PRDM16: variants seen among roughly 807,000 people sequenced by gnomAD.
PRDM16 encodes the protein PR/SET domain 16.
PRDM16 carries 23 observed loss-of-function variants against 110.6 expected under a neutral mutation model. The observed-to-expected ratio is 0.21, with a 90% CI of 0.15 to 0.29. The LOEUF is 0.29. Among genes scored for constraint, PRDM16 ranks in the 10% least tolerant of loss-of-function variants. The probability of loss-of-function intolerance (pLI) is 1.00; values close to 1 mark genes in which losing one functional copy is unlikely to be tolerated. For missense variants in PRDM16, 1,615 were observed against 1,794.3 expected (o/e 0.90, Z 1.81); for synonymous variants, 799 against 781.8 (o/e 1.02, Z -0.37).
chr1:3,094,921 A>C (rs1642360623), intron 1 of PRDM16, among the ~76,000 whole-genome samples: 1 of 152,206 alleles, frequency 6.6e-6, no homozygotes. Flanking sequence ...GGATGGAGCC[A>C]CACAGCCCGG....
At chr1:3,296,692 G>A (rs1015375553) in intron 3 of PRDM16, among the ~76,000 whole-genome samples, 4 of 152,250 alleles carry the variant, frequency 2.6e-5, no homozygotes, top group Non-Finnish European at 4.4e-5. Context: ...CAGCCTGGAT[G>A]CAGAGAGGGG....
At chr1:3,177,737 C>T (rs989187218) in intron 1 of PRDM16, among the ~76,000 whole-genome samples, 1 of 152,240 alleles carries the variant, frequency 6.6e-6, no homozygotes, top group Non-Finnish European at 1.5e-5. Flanking sequence ...ACCATGTTTC[C>T]TCACAGTCTT....
intron 1 of PRDM16, among the ~76,000 whole-genome samples, chr1:3,096,334 C>T (rs1025891718): frequency 2.0e-5 from 3 of 152,220 alleles, no homozygotes; most frequent in Non-Finnish European, 2.9e-5. Flanking sequence ...GGGCCCCTTC[C>T]TCACGTCTCC....
At chr1:3,251,277 A>C (rs977729012) in intron 3 of PRDM16, among the ~76,000 whole-genome samples, 1 of 145,320 alleles carries the variant, frequency 6.9e-6, no homozygotes, top group African/African-American at 2.6e-5. Flanking sequence ...GCAATGGGAG[A>C]TAATGAGTCT....
chr1:3,392,288 G>GT (rs1360386008), intron 4 of PRDM16, among the ~76,000 whole-genome samples: 3 of 152,228 alleles, frequency 2.0e-5, no homozygotes, highest in African/African-American at 7.2e-5. Context: ...GAGCGATTGA[G>GT]TTTTTTCCAG....
At position 3,411,845 on chromosome 1, in the gene PRDM16, C is replaced by T. The variant is rs751967400; in HGVS notation, c.1648C>T (p.Pro550Ser). Residue 550 changes from proline (P) to serine (S), a missense_variant, in exon 9 of 17, where the codon CCC becomes TCC. Physicochemically the swap from Pro to Ser is moderately conservative, Grantham distance 74 (BLOSUM62 -1). Coordinates refer to ENST00000270722, the MANE Select transcript of PRDM16 (RefSeq NM_022114.4). ...CACCCAGGACGCCAAGCTCCCCAGTCCCCTGGGGAACCCAGCCCTGCCCCT... is the reference window on the plus strand; with the variant it reads ...CACCCAGGACGCCAAGCTCCCCAGTTCCCTGGGGAACCCAGCCCTGCCCCT... ...NHTQDAKLPS[P>S]LGNPALPLVS... 2 of 1,611,436 alleles carry T rather than the reference C, an allele frequency of 1.2e-6. No homozygotes were observed. The highest frequency in any genetic ancestry group is 2.7e-5 in the African/African-American group (2 of 75,014).
intron 3 of PRDM16, among the ~76,000 whole-genome samples, chr1:3,320,369 T>A (rs1641712635): frequency 1.3e-5 from 2 of 152,168 alleles, no homozygotes; most frequent in Admixed American, 6.5e-5. Context: ...GGTGTGAACA[T>A]GCAGGTGTAT....
rs1003063388 is a variant in PRDM16, at chr1:3,358,475, C to A, written c.439-26677C>A. ...TGTCTCCAGAGGCAGCCGCTGCGCC[C>A]CAGACTCCCAGCCGCGGCTTCGGAT... On this transcript the variant is annotated intron_variant, in intron 3 of 16. Coordinates refer to ENST00000270722, the MANE Select transcript of PRDM16 (RefSeq NM_022114.4). The surrounding 1 kb of genome is among the most constrained non-coding windows in gnomAD (Gnocchi z 4.0). Among the ~76,000 whole-genome samples the A allele has an allele frequency of 6.6e-6, 1 of 152,174 alleles. No individual in the cohort carries two copies. The highest frequency in any genetic ancestry group is 2.1e-4 in the South Asian group (1 of 4,826).
chr1:3,153,792 G>T (rs1254316644), intron 1 of PRDM16, among the ~76,000 whole-genome samples: 1 of 152,226 alleles, frequency 6.6e-6, no homozygotes, highest in Non-Finnish European at 1.5e-5. Context: ...GAGAAGCGTG[G>T]AACGCAAAGT....
chr1:3,219,949 G>A (rs2100863620), intron 2 of PRDM16, among the ~76,000 whole-genome samples: 1 of 152,316 alleles, frequency 6.6e-6, no homozygotes, highest in South Asian at 2.1e-4. Context: ...TCTCCCTGGG[G>A]AGATGGCGAG....
chr1:3,168,777 G>A (rs1643991483), intron 1 of PRDM16, among the ~76,000 whole-genome samples: 1 of 152,216 alleles, frequency 6.6e-6, no homozygotes, highest in Admixed American at 6.5e-5. Flanking sequence ...CACCTGCCCG[G>A]CCCATGGAAA....
chr1:3,186,042 GC>G, intron 1 of PRDM16, 82 bp from the exon 2 acceptor site: 1 of 1,212,258 alleles, frequency 8.2e-7, no homozygotes, highest in Non-Finnish European at 1.2e-6. Context: ...GCCCATTGAT[GC>G]CCGAGTCCCC....
intron 3 of PRDM16, among the ~76,000 whole-genome samples, chr1:3,267,334 C>G (rs1640318724): frequency 6.6e-6 from 1 of 152,172 alleles, no homozygotes; most frequent in East Asian, 1.9e-4. Context: ...TGTTGTAGCT[C>G]GTGTCGGAGC....
intron 1 of PRDM16, among the ~76,000 whole-genome samples, chr1:3,146,039 A>G (rs2100711537): frequency 6.6e-6 from 1 of 152,296 alleles, no homozygotes; most frequent in Middle Eastern, 3.4e-3. Context: ...CGCAATGAGG[A>G]CCCGTTTTCT....
intron 3 of PRDM16, among the ~76,000 whole-genome samples, chr1:3,305,164 A>G (rs144765930): frequency 6.6e-6 from 1 of 152,212 alleles, no homozygotes; most frequent in Admixed American, 6.5e-5. Flanking sequence ...AGCAGCAGTG[A>G]AATGATGTGG....
intron 2 of PRDM16, among the ~76,000 whole-genome samples, chr1:3,227,916 A>G (rs2173914): frequency 0.11 from 16,720 of 152,012 alleles, 1,208 homozygotes; most frequent in South Asian, 0.23. Flanking sequence ...CAACACCACT[A>G]TGACCTACAC....
intron 3 of PRDM16, among the ~76,000 whole-genome samples, chr1:3,283,724 G>A (rs886927996): frequency 1.4e-4 from 22 of 152,108 alleles, no homozygotes; most frequent in Non-Finnish European, 2.8e-4. Flanking sequence ...GAGACGGGGC[G>A]GTCAGCGAAG....
At chr1:3,268,687 G>A (rs1486140613) in intron 3 of PRDM16, among the ~76,000 whole-genome samples, 2 of 152,240 alleles carry the variant, frequency 1.3e-5, no homozygotes, top group East Asian at 1.9e-4. Context: ...GCACAAGGGT[G>A]TGGGAACCCC....
intron 9 of PRDM16, 29 bp from the exon 10 acceptor site, chr1:3,414,531 G>C: frequency 6.3e-7 from 1 of 1,578,110 alleles, no homozygotes; most frequent in South Asian, 1.1e-5. Flanking sequence ...GGCTCGGTGG[G>C]GTACGTAACC....
Sources: gnomAD v4.1 joint callset for allele counts (sites outside exome capture counted in the v4.1 genomes callset) on GRCh38, gnomAD v4.1.1 for gene constraint, Gnocchi (gnomAD v3.1) non-coding constraint, MANE v1.5 for transcripts, NCBI Gene and HGNC (gene_info 2026-07-23, HGNC 2026-07-21) for gene names.